Variants in BRCA2 observed in about 807,000 individuals in gnomAD.
BRCA2 encodes BRCA2 DNA repair associated.
A neutral mutation model predicts 276.7 loss-of-function variants in BRCA2; 203 were observed. The ratio of observed to expected loss-of-function variants is 0.73; its 90% CI spans 0.65 to 0.82. BRCA2 has a LOEUF of 0.82. Ranked by LOEUF, BRCA2 falls within the 40% of genes least tolerant of loss-of-function variation. BRCA2 has a pLI of 0.00. For missense variants in BRCA2, 3,920 were observed against 3,915.0 expected (o/e 1.00, Z -0.03); for synonymous variants, 1,289 against 1,338.4 (o/e 0.96, Z 0.81).
chr13:32,338,264 C>A lies in BRCA2; in HGVS notation c.3909C>A (p.Gly1303=), dbSNP rs80359786. Residue 1303 remains glycine, a synonymous_variant, in exon 11 of 27, where the codon GGC becomes GGA. Coordinates refer to ENST00000380152, the MANE Select transcript of BRCA2 (RefSeq NM_000059.4). ...AAAATAATATTGAAATGACTACTGGCACTTTTGTTGAAGAAATTACTGAAA... is the reference window on the plus strand; with the variant it reads ...AAAATAATATTGAAATGACTACTGGAACTTTTGTTGAAGAAATTACTGAAA... ...ILQNNIEMTT[G]TFVEEITENY... is the part of the protein sequence containing the mutation. 6.4e-7 allele frequency: 1 copy of A among 1,562,412 alleles called. No homozygotes were observed. Among genetic ancestry groups the A allele is most frequent in the South Asian group, 1.2e-5 (1 of 82,322 alleles).
Position 32,369,611 on chromosome 13 carries a change from T to C in BRCA2, c.8332-791T>C, listed in dbSNP as rs936377537. On this transcript the variant is annotated intron_variant, in intron 18 of 26. Transcript: ENST00000380152. ...TTTTTGGAGACGGAGGCACGCTCTG[T>C]CCCCCAGGCTGGAGTGCAGTGGCAC... Among the ~76,000 whole-genome samples, 17 of 152,256 alleles carry C rather than the reference T, an allele frequency of 1.1e-4. No individual in the cohort carries two copies. In the East Asian group the frequency reaches 3.1e-3, roughly 28 times the overall value.
In BRCA2 at chr13:32,379,408, G is replaced by A. The variant is rs2137619776; in HGVS notation, c.8846G>A (p.Arg2949Lys). 1.2e-6 allele frequency: 2 copies of A among 1,613,796 alleles called. No homozygotes were observed. The highest frequency in any genetic ancestry group is 1.7e-6 in the Non-Finnish European group (2 of 1,179,862). The change falls in exon 22 of 27, where the codon AGG becomes AAG. Residue 2949 changes from arginine to lysine, a missense_variant. This residue lies in a region of BRCA2 where 657 missense variants were observed against 758.2 expected (regional missense o/e 0.87). Coordinates refer to ENST00000380152, the MANE Select transcript of BRCA2 (RefSeq NM_000059.4). ...CAAGCTCAGATCCAGTTGGAAATTA[G>A]GAAGGCCATGGAATCTGCTGAACAA... ...KKQAQIQLEI[R>K]KAMESAEQKE...
chr13:32,369,123 T>C (rs1398373976), intron 18 of BRCA2, among the ~76,000 whole-genome samples: 2 of 152,054 alleles, frequency 1.3e-5, no homozygotes, highest in African/African-American at 4.8e-5. Context: ...TTGTTTTCAA[T>C]AATAGCATCT....
intron 3 of BRCA2, among the ~76,000 whole-genome samples, chr13:32,323,134 ATTGT>A (rs1289881778): frequency 6.7e-6 from 1 of 148,198 alleles, no homozygotes; most frequent in Non-Finnish European, 1.5e-5. Flanking sequence ...GTGGTACCTC[ATTGT>A]TTGTTTTATT....
At chr13:32,355,465 G>A (rs1179120413) in intron 14 of BRCA2, 177 bp downstream of exon 14, 1 of 318,054 alleles carries the variant, frequency 3.1e-6, no homozygotes, top group Non-Finnish European at 4.5e-6. Flanking sequence ...TTCTTTCAAA[G>A]ATAACTTCTT....
rs1370260227 is a variant in BRCA2 at position 32,316,516 on chromosome 13, G to T, written c.56G>T (p.Cys19Phe). Residue 19 changes from cysteine (C) to phenylalanine (F), a missense_variant, in exon 2 of 27, where the codon TGC becomes TTC. Coordinates refer to ENST00000380152, the MANE Select transcript of BRCA2 (RefSeq NM_000059.4). ...TTTTTTGAAATTTTTAAGACACGCTGCAACAAAGCAGGTATTGACAAATTT... is the reference window on the plus strand; with the variant it reads ...TTTTTTGAAATTTTTAAGACACGCTTCAACAAAGCAGGTATTGACAAATTT... ...PTFFEIFKTR[C>F]NKADLGPISL... The T allele has an allele frequency of 1.9e-6, 3 of 1,613,630 alleles. No homozygotes were observed. In the South Asian group the frequency reaches 3.3e-5, roughly 18 times the overall value.
At position 32,394,629 on chromosome 13, in the gene BRCA2, C is replaced by A. The variant is rs1162765068; in HGVS notation, c.9257-60C>A. 1.9e-6 allele frequency: 3 copies of A among 1,557,438 alleles called. No homozygotes were observed. In the African/African-American group the frequency reaches 4.1e-5, roughly 21 times the overall value. ...AGGCATATTAGAGTTTCCTTTCTTG[C>A]ATCTTAAAATTCATCTAACACATCT... On this transcript the variant is annotated intron_variant, in intron 24 of 26. Coordinates refer to ENST00000380152, the MANE Select transcript of BRCA2 (RefSeq NM_000059.4).
Position 32,379,431 on chromosome 13 carries a change from C to A in BRCA2, c.8869C>A (p.Gln2957Lys), listed in dbSNP as rs276174913. ...TAGGAAGGCCATGGAATCTGCTGAA[C>A]AAAAGGAACAAGGTTTATCAAGGGA... Reference protein sequence around the residue: ...EIRKAMESAEQKEQGLSRDVT... With the variant: ...EIRKAMESAEKKEQGLSRDVT... Residue 2957 changes from glutamine (Q) to lysine (K), a missense_variant, in exon 22 of 27, where the codon CAA (glutamine) becomes AAA (lysine). Coordinates refer to ENST00000380152, the MANE Select transcript of BRCA2 (RefSeq NM_000059.4). The A allele has an allele frequency of 6.2e-7, 1 of 1,613,626 alleles. No homozygotes were observed. Among genetic ancestry groups the A allele is most frequent in the Non-Finnish European group, 8.5e-7 (1 of 1,179,828 alleles).
chr13:32,346,891 C>CA lies in BRCA2; in HGVS notation c.7002_7003insA (p.Phe2335IlefsTer5). ...CTTTAGAGCCGATTACCTGTGTACC[C>CA]TTTCGGTAAGACATGTTTAAATTTT... is the stretch of plus-strand genomic sequence containing the variant. On this transcript the variant is annotated frameshift_variant, in exon 13 of 27. Transcript: ENST00000380152. LOFTEE classifies it high-confidence loss of function. The CA allele has an allele frequency of 6.2e-7, 1 of 1,606,552 alleles. No homozygotes were observed. Among genetic ancestry groups the CA allele is most frequent in the Non-Finnish European group, 8.5e-7 (1 of 1,175,808 alleles).
Position 32,345,246 on chromosome 13 carries a change from T to G in BRCA2, c.6937+593T>G, listed in dbSNP as rs1032406750. 6.6e-6 allele frequency among the ~76,000 whole-genome samples: 1 copy of G among 152,124 alleles called. No individual in the cohort carries two copies. The highest frequency in any genetic ancestry group is 2.4e-5 in the African/African-American group (1 of 41,472). On this transcript the variant is annotated intron_variant, in intron 12 of 26. Coordinates refer to ENST00000380152, the MANE Select transcript of BRCA2 (RefSeq NM_000059.4). ...TGGTTATTCTTTCAAGTAAAAGGTA[T>G]TTCATGAAAAAATAGCTAGTATAGC...
At chr13:32,375,752 G>A (rs1442136831) in intron 20 of BRCA2, among the ~76,000 whole-genome samples, 1 of 151,990 alleles carries the variant, frequency 6.6e-6, no homozygotes, top group Non-Finnish European at 1.5e-5. Flanking sequence ...TAGAGACGGG[G>A]TTTCACCATG....
intron 15 of BRCA2, among the ~76,000 whole-genome samples, 164 bp downstream of exon 15, chr13:32,356,773 GC>G (rs2072701655): frequency 1.3e-5 from 2 of 152,178 alleles, no homozygotes; most frequent in Admixed American, 1.3e-4. Flanking sequence ...GCAGCCTCTG[GC>G]CCCTTGCTAG....
In BRCA2 at chr13:32,337,590, T is replaced by G. The variant is rs1593898984; in HGVS notation, c.3235T>G (p.Ser1079Ala). ...SAHLQSSVVVSDCKNSHITPQ... is the reference protein window; with the variant it reads ...SAHLQSSVVVADCKNSHITPQ... ...ACATTTACAGAGTAGTGTAGTTGTT[T>G]CTGATTGTAAAAATAGTCATATAAC... The change falls in exon 11 of 27, where the codon TCT becomes GCT. Residue 1079 changes from serine to alanine, a missense_variant. This residue lies in a region of BRCA2 where 3,263 missense variants were observed against 3,156.9 expected (regional missense o/e 1.03). Transcript: ENST00000380152. The G allele has an allele frequency of 6.3e-7, 1 of 1,595,622 alleles. No individual in the cohort carries two copies.
intron 7 of BRCA2, among the ~76,000 whole-genome samples, chr13:32,327,835 C>T (rs2072361516): frequency 1.3e-5 from 2 of 151,124 alleles, no homozygotes; most frequent in South Asian, 2.1e-4. Context: ...GTGGCACCGT[C>T]GCAGTTCACT....
In BRCA2 at chr13:32,333,083, C is replaced by T. The variant is rs2072417522; in HGVS notation, c.1605C>T (p.Ala535=). The T allele has an allele frequency of 6.2e-7, 1 of 1,612,378 alleles. No homozygotes were observed. Among genetic ancestry groups the T allele is most frequent in the South Asian group, 1.1e-5 (1 of 90,360 alleles). The part of the protein sequence containing the change: ...TDPNFKKETE[A]SESGLEIHTV... ...CAAACTTTAAAAAAGAAACTGAAGC[C>T]TCTGAAAGTGGACTGGAAATACATA... Residue 535 remains alanine, a synonymous_variant, in exon 10 of 27, where the codon GCC becomes GCT. Coordinates refer to ENST00000380152, the MANE Select transcript of BRCA2 (RefSeq NM_000059.4).
rs56272235 is a variant in BRCA2, at chr13:32,344,569, A to C, written c.6853A>C (p.Ile2285Leu). ...ATATTTCTTTTTAGGAGAACCCTCA[A>C]TCAAAAGAAACTTATTAAATGAATT... is the stretch of plus-strand genomic sequence containing the variant. ...EPLILVGEPS[I>L]KRNLLNEFDR... Residue 2285 changes from isoleucine to leucine, a missense_variant, in exon 12 of 27, where the codon ATC (isoleucine) becomes CTC (leucine). Ile to Leu is a conservative substitution (Grantham distance 5). Coordinates refer to ENST00000380152, the MANE Select transcript of BRCA2 (RefSeq NM_000059.4). 6.5e-7 allele frequency: 1 copy of C among 1,545,322 alleles called. No individual in the cohort carries two copies. Among genetic ancestry groups the C allele is most frequent in the Middle Eastern group, 1.7e-4 (1 of 5,872 alleles).
intron 24 of BRCA2, among the ~76,000 whole-genome samples, chr13:32,388,178 G>A (rs963935559): frequency 6.6e-6 from 1 of 151,210 alleles, no homozygotes; most frequent in African/African-American, 2.4e-5. Context: ...GAGTGCAGTG[G>A]TGTGATCTCA....
rs1555286323 is a variant in BRCA2 at position 32,356,647 on chromosome 13, A to G, written c.7617+38A>G. The G allele has an allele frequency of 1.9e-6, 3 of 1,600,154 alleles. No homozygotes were observed. The highest frequency in any genetic ancestry group is 1.3e-5 in the African/African-American group (1 of 74,564). On this transcript the variant is annotated intron_variant, in intron 15 of 26. Coordinates refer to ENST00000380152, the MANE Select transcript of BRCA2 (RefSeq NM_000059.4). ...CTACAATACTGATGGCTTTTATGAC[A>G]GAGTGTAATTTTATTTCATTAACTA...
chr13:32,331,922 G>A (rs1220365839), intron 9 of BRCA2, among the ~76,000 whole-genome samples: 4 of 152,226 alleles, frequency 2.6e-5, no homozygotes, highest in Middle Eastern at 3.4e-3. Context: ...CCACAGAATT[G>A]ATTTGGAACA....
Sources: allele counts gnomAD v4.1 joint callset (sites outside exome capture counted in the v4.1 genomes callset), GRCh38; gene constraint gnomAD v4.1.1; regional missense constraint gnomAD v4.1.1; transcripts MANE v1.5; gene names NCBI Gene and HGNC (gene_info 2026-07-23, HGNC 2026-07-21).